Variants in CACNA1D observed in about 807,000 individuals in gnomAD.
The protein encoded by CACNA1D is calcium voltage-gated channel subunit alpha1 D, also known as voltage-dependent L-type calcium channel subunit alpha-1D.
Under a neutral mutation model 257.1 loss-of-function variants are expected in CACNA1D, and 55 were observed. The ratio of observed to expected loss-of-function variants is 0.21; its 90% CI spans 0.17 to 0.27. The LOEUF (loss-of-function observed/expected upper bound fraction) is 0.27, where lower values mean the gene tolerates loss of function less well. Ranked by LOEUF, CACNA1D falls within the 10% of genes least tolerant of loss-of-function variation. The probability of loss-of-function intolerance (pLI) is 1.00; values close to 1 mark genes in which losing one functional copy is unlikely to be tolerated. For synonymous variants in CACNA1D, 980 were observed against 1,014.9 expected (o/e 0.97, Z 0.65); for missense variants, 1,876 against 2,784.0 (o/e 0.67, Z 7.34).
chr3:53,723,547 G>T lies in CACNA1D; in HGVS notation c.1780G>T (p.Val594Leu). The T allele has an allele frequency of 6.2e-7, 1 of 1,614,032 alleles. No individual in the cohort carries two copies. Among genetic ancestry groups the T allele is most frequent in the Non-Finnish European group, 8.5e-7 (1 of 1,179,998 alleles). The change falls in exon 13 of 48, where the codon GTG (valine) becomes TTG (leucine). Residue 594 changes from valine to leucine, a missense_variant. Physicochemically the swap from Val to Leu is conservative, Grantham distance 32. Around this residue, in one of 10 missense-constraint regions of CACNA1D, gnomAD observed 257 missense variants for 399.7 expected, o/e 0.64. Transcript: ENST00000350061. The surrounding 1 kb of genome is among the most constrained non-coding windows in gnomAD (Gnocchi z 5.6). Reference protein sequence around the residue: ...VSLFNRFDCFVVCGGITETIL... With the variant: ...VSLFNRFDCFLVCGGITETIL... ...TCTTTTCAACCGGTTTGATTGCTTCGTGGTGTGTGGTGGAATCACTGAGAC... is the reference window on the plus strand; with the variant it reads ...TCTTTTCAACCGGTTTGATTGCTTCTTGGTGTGTGGTGGAATCACTGAGAC...
chr3:53,798,332 T>C lies in CACNA1D; in HGVS notation c.4924-1917T>C, dbSNP rs997071492. Among the ~76,000 whole-genome samples, 39 of 150,824 alleles carry C rather than the reference T, an allele frequency of 2.6e-4. 1 individual carries two copies. The highest frequency in any genetic ancestry group is 5.6e-4 in the Non-Finnish European group (38 of 67,924). ...GCGTGTGTGTGTGTGTGTGTGCGTG[T>C]GTGTGCGTGTGTGTGTGCACGTGCA... On this transcript the variant is annotated intron_variant, in intron 40 of 47. Transcript: ENST00000350061.
chr3:53,695,483 G>A (rs750859718), intron 8 of CACNA1D, among the ~76,000 whole-genome samples: 2 of 152,120 alleles, frequency 1.3e-5, no homozygotes. Context: ...CCCTGAACAG[G>A]TGGACAAGAA....
Position 53,556,963 on chromosome 3 carries a change from A to G in CACNA1D, c.483+55243A>G, listed in dbSNP as rs139740131. On this transcript the variant is annotated intron_variant, in intron 3 of 47. Transcript: ENST00000350061. ...ACTCCTGACCTTAAGTGATCAGCTC[A>G]CCTTGGCCTCCCAAAGTGCTGGGAT... Among the ~76,000 whole-genome samples the G allele has an allele frequency of 4.6e-5, 7 of 151,986 alleles. No individual in the cohort carries two copies. The East Asian group carries it at 1.2e-3, about 25-fold the overall frequency.
intron 3 of CACNA1D, among the ~76,000 whole-genome samples, chr3:53,530,603 T>C (rs150229801): frequency 6.6e-6 from 1 of 152,196 alleles, no homozygotes; most frequent in Non-Finnish European, 1.5e-5. Flanking sequence ...TGACATCTGC[T>C]TGACAGGCTT....
chr3:53,707,777 T>C (rs1031669913), intron 9 of CACNA1D, among the ~76,000 whole-genome samples: 12 of 150,726 alleles, frequency 8.0e-5, no homozygotes, highest in African/African-American at 2.9e-4. Context: ...ACTCTTCTCA[T>C]TGTCAGTGAT....
chr3:53,737,719 A>C (rs568176312), intron 20 of CACNA1D, among the ~76,000 whole-genome samples: 67 of 152,364 alleles, frequency 4.4e-4, no homozygotes, highest in African/African-American at 1.6e-3. Context: ...GCTATGCAGG[A>C]GGCTGAGGCA....
chr3:53,741,483 AT>A (rs1222544807), intron 21 of CACNA1D, among the ~76,000 whole-genome samples: 1 of 152,048 alleles, frequency 6.6e-6, no homozygotes, highest in Non-Finnish European at 1.5e-5. Flanking sequence ...TTATTTTTTT[AT>A]TTTTTGGTTC....
chr3:53,657,346 A>G (rs1035486939), intron 4 of CACNA1D, among the ~76,000 whole-genome samples: 1 of 152,086 alleles, frequency 6.6e-6, no homozygotes, highest in African/African-American at 2.4e-5. Flanking sequence ...AACTCTACCG[A>G]TAAACAGCCA....
At position 53,555,457 on chromosome 3, in the gene CACNA1D, TG is replaced by T. The variant is rs2092623395; in HGVS notation, c.483+53738del. Among the ~76,000 whole-genome samples the T allele has an allele frequency of 4.9e-3, 542 of 111,190 alleles. 6 individuals carry two copies. Among genetic ancestry groups the T allele is most frequent in the African/African-American group, 0.025 (522 of 20,622 alleles). The allele number at this position is 111,190 out of a possible 152,430, so 72.9% of individuals were successfully genotyped here. A position where few individuals can be genotyped will look rare whatever the true frequency, so the allele number is the denominator to read the frequency against. On this transcript the variant is annotated intron_variant, in intron 3 of 47. Coordinates refer to ENST00000350061, the MANE Select transcript of CACNA1D (RefSeq NM_001128840.3). Reference sequence around the variant, plus strand: ...TGGTGGGTGTGTGTGTGTGTGTGTGTGTGTTTTTTTTTTTTTTTTTTTTTTC... The same window carrying T: ...TGGTGGGTGTGTGTGTGTGTGTGTGTTGTTTTTTTTTTTTTTTTTTTTTTC...
chr3:53,561,129 A>G (rs2092730968), intron 3 of CACNA1D, among the ~76,000 whole-genome samples: 1 of 152,192 alleles, frequency 6.6e-6, no homozygotes, highest in Non-Finnish European at 1.5e-5. Context: ...GAGGACTGCT[A>G]GCATGTCTCA....
intron 3 of CACNA1D, among the ~76,000 whole-genome samples, chr3:53,554,089 G>C (rs2092592785): frequency 6.6e-6 from 1 of 151,898 alleles, no homozygotes; most frequent in Admixed American, 6.6e-5. Context: ...CCAGCTACTT[G>C]GGAGGCTGAG....
At chr3:53,674,348 G>C (rs2094353244) in intron 8 of CACNA1D, among the ~76,000 whole-genome samples, 1 of 152,180 alleles carries the variant, frequency 6.6e-6, no homozygotes, top group South Asian at 2.1e-4. Context: ...TATTAGCTTG[G>C]TGTTCTAGTG....
intron 3 of CACNA1D, among the ~76,000 whole-genome samples, chr3:53,553,535 A>T (rs1489116309): frequency 6.6e-6 from 1 of 152,140 alleles, no homozygotes; most frequent in Non-Finnish European, 1.5e-5. Flanking sequence ...GTGTATGGGT[A>T]TGTGTGTGTG....
At chr3:53,523,051 G>A (rs568184372) in intron 3 of CACNA1D, among the ~76,000 whole-genome samples, 78 of 152,260 alleles carry the variant, frequency 5.1e-4, no homozygotes, top group Non-Finnish European at 8.4e-4. Flanking sequence ...TTCACTTACC[G>A]TGATGGAAGT....
intron 38 of CACNA1D, among the ~76,000 whole-genome samples, 158 bp downstream of exon 38, chr3:53,780,286 G>A (rs1457579253): frequency 1.3e-5 from 2 of 152,236 alleles, no homozygotes; most frequent in East Asian, 1.9e-4. Context: ...CTTGCCGGCT[G>A]GCCCCTGCCT....
At chr3:53,624,741 T>C (rs1443407881) in intron 3 of CACNA1D, among the ~76,000 whole-genome samples, 1 of 152,220 alleles carries the variant, frequency 6.6e-6, no homozygotes, top group Non-Finnish European at 1.5e-5. Flanking sequence ...GAATCAGTAA[T>C]TGGAAATAGA....
rs927920578 is a variant in CACNA1D, at chr3:53,650,977, G to T, written c.623+59G>T. ...TGGAAAATGGGAGGTGGAGGTTGGG[G>T]GGGGTGGTGGTAACAAAACAGTCTT... On this transcript the variant is annotated intron_variant, in intron 4 of 47. Transcript: ENST00000350061. 6.2e-6 allele frequency: 9 copies of T among 1,443,018 alleles called. No homozygotes were observed. In the African/African-American group the frequency reaches 1.3e-4, roughly 20 times the overall value. The allele number at this position is 1,443,018 out of a possible 1,614,324, so 89.4% of individuals were successfully genotyped here. A position where few individuals can be genotyped will look rare whatever the true frequency, so the allele number is the denominator to read the frequency against.
intron 3 of CACNA1D, among the ~76,000 whole-genome samples, chr3:53,507,463 A>G (rs539904329): frequency 8.0e-4 from 121 of 152,116 alleles, no homozygotes; most frequent in Non-Finnish European, 1.5e-3. Flanking sequence ...AAAAAAAAAA[A>G]AAAAATTAGC....
At chr3:53,728,015 A>G (rs989453187) in intron 15 of CACNA1D, among the ~76,000 whole-genome samples, 2 of 152,102 alleles carry the variant, frequency 1.3e-5, no homozygotes, top group Non-Finnish European at 2.9e-5. Flanking sequence ...CCCCTCCACA[A>G]GAGCCACCCC....
Sources: allele counts gnomAD v4.1 joint callset (sites outside exome capture counted in the v4.1 genomes callset), GRCh38; gene constraint gnomAD v4.1.1; regional missense constraint gnomAD v4.1.1; non-coding constraint Gnocchi (gnomAD v3.1); transcripts MANE v1.5; gene names NCBI Gene and HGNC (gene_info 2026-07-23, HGNC 2026-07-21).